Variants in TENM2 observed in about 807,000 individuals in gnomAD.
TENM2 encodes the protein teneurin-2.
TENM2 carries 52 observed loss-of-function variants against 245.2 expected under a neutral mutation model. The observed-to-expected ratio is 0.21, with a 90% CI of 0.17 to 0.27. The LOEUF (loss-of-function observed/expected upper bound fraction) is 0.27, where lower values mean the gene tolerates loss of function less well. Among genes scored for constraint, TENM2 ranks in the 10% least tolerant of loss-of-function variants. TENM2 has a pLI of 1.00. For missense variants in TENM2, 3,046 were observed against 3,666.8 expected, an observed-to-expected ratio of 0.83 and a Z score of 4.37; for synonymous variants, 1,363 against 1,438.9, an observed-to-expected ratio of 0.95 and a Z score of 1.19.
At chr5:167,592,362 G>A (rs756645396) in intron 2 of TENM2, among the ~76,000 whole-genome samples, 8 of 152,146 alleles carry the variant, frequency 5.3e-5, no homozygotes, top group East Asian at 3.8e-4. Context: ...CAGCAAGAGC[G>A]GTGTGGAAAT....
intron 7 of TENM2, among the ~76,000 whole-genome samples, chr5:168,070,819 G>GAGAA (rs1554190596): frequency 3.6e-5 from 4 of 111,490 alleles, no homozygotes; most frequent in Non-Finnish European, 5.6e-5. Context: ...GAGAGAGAGA[G>GAGAA]AAAAAAAGAA....
intron 2 of TENM2, among the ~76,000 whole-genome samples, chr5:167,806,027 C>G (rs1697479842): frequency 6.6e-6 from 1 of 152,040 alleles, no homozygotes; most frequent in African/African-American, 2.4e-5. Context: ...AGTGTGCTCC[C>G]AAATGTATCT....
At chr5:167,135,665 T>C in the TENM2 span, among the ~76,000 whole-genome samples, 2 of 151,986 alleles carry the variant, frequency 1.3e-5, no homozygotes. Flanking sequence ...TAGTCCCAGC[T>C]ACTCAGGAGG....
At chr5:167,444,928 T>C (rs1465930739) in intron 2 of TENM2, among the ~76,000 whole-genome samples, 1 of 152,188 alleles carries the variant, frequency 6.6e-6, no homozygotes, top group African/African-American at 2.4e-5. Context: ...CACATCAAAG[T>C]GATCACAGGT....
the TENM2 span, among the ~76,000 whole-genome samples, chr5:167,001,832 C>CT: frequency 1.0e-4 from 15 of 150,618 alleles, no homozygotes; most frequent in South Asian, 2.5e-3. Flanking sequence ...AGCTCCCTCT[C>CT]TTTTTTTTTA....
intron 2 of TENM2, among the ~76,000 whole-genome samples, chr5:167,586,798 C>T (rs1775528972): frequency 6.6e-6 from 1 of 152,052 alleles, no homozygotes. Context: ...ATAATCAATA[C>T]CAGAGTAAAG....
chr5:167,687,586 C>T (rs10516036), intron 2 of TENM2, among the ~76,000 whole-genome samples: 30,618 of 152,012 alleles, frequency 0.2, 3,529 homozygotes, highest in East Asian at 0.48. Context: ...CTAGCATTGA[C>T]GTTGAGAGTT....
intron 2 of TENM2, among the ~76,000 whole-genome samples, chr5:167,852,754 A>T (rs1023666317): frequency 1.3e-5 from 2 of 152,128 alleles, no homozygotes; most frequent in Admixed American, 6.6e-5. Flanking sequence ...TGGGATTTGA[A>T]GTTGTGTGTA....
intron 2 of TENM2, among the ~76,000 whole-genome samples, chr5:167,590,232 T>C (rs574661555): frequency 6.6e-6 from 1 of 152,208 alleles, no homozygotes; most frequent in South Asian, 2.1e-4. Flanking sequence ...AGTTTTGTTT[T>C]CATATGAAGA....
At chr5:167,276,356 G>C in the TENM2 span, among the ~76,000 whole-genome samples, 1 of 14,468 alleles carries the variant, frequency 6.9e-5, no homozygotes, top group Admixed American at 7.9e-4. Context: ...TTCATTTTGT[G>C]TGTGTGTGTG....
At chr5:167,388,957 A>G (rs1761600999) in intron 2 of TENM2, among the ~76,000 whole-genome samples, 1 of 152,070 alleles carries the variant, frequency 6.6e-6, no homozygotes, top group Non-Finnish European at 1.5e-5. Context: ...CAGAGTAAGT[A>G]TATTTATCAG....
At chr5:167,971,803 C>A (rs1781816746) in intron 4 of TENM2, among the ~76,000 whole-genome samples, 1 of 152,196 alleles carries the variant, frequency 6.6e-6, no homozygotes, top group Non-Finnish European at 1.5e-5. Context: ...TGCACAGAGG[C>A]AGAGTTTTCA....
chr5:167,005,284 A>G, the TENM2 span, among the ~76,000 whole-genome samples: 5 of 152,224 alleles, frequency 3.3e-5, no homozygotes, highest in Admixed American at 3.3e-4. Flanking sequence ...TAAAAAATGT[A>G]TAAAAGGTTT....
intron 2 of TENM2, among the ~76,000 whole-genome samples, chr5:167,631,900 C>T (rs1333589149): frequency 6.6e-6 from 1 of 152,068 alleles, no homozygotes; most frequent in Non-Finnish European, 1.5e-5. Flanking sequence ...TATTTATTTG[C>T]CCCTCTCTCT....
the TENM2 span, among the ~76,000 whole-genome samples, chr5:167,166,287 G>C: frequency 2.0e-5 from 3 of 151,964 alleles, no homozygotes; most frequent in Non-Finnish European, 4.4e-5. Flanking sequence ...ATAACTAAAT[G>C]CTCTATTTTT....
intron 2 of TENM2, among the ~76,000 whole-genome samples, chr5:167,719,952 A>G (rs1759518371): frequency 6.6e-6 from 1 of 151,758 alleles, no homozygotes; most frequent in Non-Finnish European, 1.5e-5. Context: ...ACTGCACTCC[A>G]CTGCATGCAA....
the TENM2 span, among the ~76,000 whole-genome samples, chr5:167,271,462 G>C: frequency 6.6e-6 from 1 of 151,988 alleles, no homozygotes; most frequent in Admixed American, 6.6e-5. Context: ...GGGGAAAAAA[G>C]GCATGGAATT....
At chr5:167,848,160 A>G (rs4869079) in intron 2 of TENM2, among the ~76,000 whole-genome samples, 77,011 of 151,992 alleles carry the variant, frequency 0.51, 20,101 homozygotes, top group Middle Eastern at 0.57. Flanking sequence ...GTGGACTACA[A>G]TGAATGGCTG....
Position 167,336,160 on chromosome 5 carries a change from G to C in TENM2, c.227-39038G>C, listed in dbSNP as rs1186731966. ...AAATTCATCCATTGGCTCATCCAAT[G>C]TTCTTTTCATTTCTCCTTTTTTTTT... On this transcript the variant is annotated intron_variant, in intron 1 of 28. Coordinates refer to ENST00000518659, the Ensembl canonical transcript of TENM2. Among the ~76,000 whole-genome samples the C allele has an allele frequency of 3.3e-5, 4 of 122,164 alleles. No individual in the cohort carries two copies. The South Asian group carries it at 1.2e-3, about 35-fold the overall frequency. 80.1% of individuals were successfully genotyped at this position (122,164 alleles called of 152,430 possible). A position where few individuals can be genotyped will look rare whatever the true frequency, so the allele number is the denominator to read the frequency against.
Sources: allele counts gnomAD v4.1 joint callset (sites outside exome capture counted in the v4.1 genomes callset), GRCh38; gene constraint gnomAD v4.1.1; transcripts MANE v1.5; gene names NCBI Gene and HGNC (gene_info 2026-07-23, HGNC 2026-07-21).